The following CDH18 variants were observed in gnomAD, a reference collection of about 807,000 sequenced individuals.
CDH18 encodes the protein cadherin-18.
CDH18 carries 31 observed loss-of-function variants against 67.9 expected under a neutral mutation model. The observed-to-expected ratio is 0.46, with a 90% CI of 0.34 to 0.62. The LOEUF is 0.62. CDH18 is among the 20% of genes least tolerant of loss of function. The probability of loss-of-function intolerance (pLI) is 0.01; values close to 1 mark genes in which losing one functional copy is unlikely to be tolerated. For missense variants in CDH18, 890 were observed against 975.5 expected, an observed-to-expected ratio of 0.91 and a Z score of 1.17; for synonymous variants, 362 against 347.2, an observed-to-expected ratio of 1.04 and a Z score of -0.48.
At chr5:20,168,948 G>C (rs1464328241) in intron 2 of CDH18, among the ~76,000 whole-genome samples, 2 of 152,126 alleles carry the variant, frequency 1.3e-5, no homozygotes, top group Non-Finnish European at 2.9e-5. Context: ...CATGAACATA[G>C]ATAGCAGAAG....
At chr5:19,486,805 AATAAATAAATAAG>A (rs1454559809) in intron 11 of CDH18, among the ~76,000 whole-genome samples, 4 of 149,878 alleles carry the variant, frequency 2.7e-5, no homozygotes, top group Admixed American at 2.0e-4. Flanking sequence ...TAAATAAATA[AATAAATAAATAAG>A]ATATTATAGA....
rs752340474 is a variant in CDH18, at chr5:20,415,726, T to C, written c.-580+159736A>G. Among the ~76,000 whole-genome samples the C allele has an allele frequency of 1.5e-3, 221 of 152,084 alleles. 1 individual carries two copies. Among genetic ancestry groups the C allele is most frequent in the African/African-American group, 5.2e-3 (215 of 41,498 alleles). On this transcript the variant is annotated intron_variant, in intron 1 of 14. Transcript: ENST00000507958. ...AGGCGGAAGTTGCAGTGGCTGAGAT[T>C]GCGCCACTGCTCTCACTCCAGCCTG...
At chr5:20,371,049 A>G (rs1236197159) in intron 1 of CDH18, among the ~76,000 whole-genome samples, 1 of 152,010 alleles carries the variant, frequency 6.6e-6, no homozygotes, top group Non-Finnish European at 1.5e-5. Flanking sequence ...AAAAAAAAAG[A>G]CTGTGGCATC....
intron 1 of CDH18, among the ~76,000 whole-genome samples, chr5:20,405,037 T>G (rs1746108190): frequency 6.6e-6 from 1 of 151,976 alleles, no homozygotes; most frequent in African/African-American, 2.4e-5. Context: ...ATTAAGTTCA[T>G]CCCCATCAAG....
chr5:20,534,380 G>A (rs1004877123), intron 1 of CDH18, among the ~76,000 whole-genome samples: 5 of 151,908 alleles, frequency 3.3e-5, no homozygotes, highest in Non-Finnish European at 5.9e-5. Context: ...ACAAAAAGAA[G>A]CATTAAAAAT....
At chr5:19,694,712 T>A (rs1467998908) in intron 5 of CDH18, among the ~76,000 whole-genome samples, 5 of 152,016 alleles carry the variant, frequency 3.3e-5, no homozygotes, top group African/African-American at 1.2e-4. Flanking sequence ...TATTGTCTCC[T>A]GGAGTTTCCA....
chr5:19,817,818 T>C (rs1002561097), intron 3 of CDH18, among the ~76,000 whole-genome samples: 1 of 152,132 alleles, frequency 6.6e-6, no homozygotes, highest in Non-Finnish European at 1.5e-5. Context: ...GAATGGTCAA[T>C]ACTGAATATT....
intron 1 of CDH18, among the ~76,000 whole-genome samples, chr5:20,392,860 T>C (rs1325254688): frequency 6.6e-6 from 1 of 151,952 alleles, no homozygotes; most frequent in Non-Finnish European, 1.5e-5. Flanking sequence ...CAGGTTACAC[T>C]GATCTCACAT....
At chr5:19,968,910 T>C (rs2150328762) in intron 2 of CDH18, among the ~76,000 whole-genome samples, 1 of 141,154 alleles carries the variant, frequency 7.1e-6, no homozygotes, top group East Asian at 2.0e-4. Context: ...ACAGGCAAAC[T>C]ACAAAATGGG....
At chr5:19,972,149 T>A (rs750716126) in intron 2 of CDH18, among the ~76,000 whole-genome samples, 6 of 147,420 alleles carry the variant, frequency 4.1e-5, no homozygotes, top group Admixed American at 1.3e-4. Context: ...TTAAATATGA[T>A]GAACAAATTG....
At position 20,299,757 on chromosome 5, in the gene CDH18, CA is replaced by C. The variant is rs368044422; in HGVS notation, c.-579-44253del. 1.1e-3 allele frequency among the ~76,000 whole-genome samples: 115 copies of C among 107,456 alleles called. 2 individuals are homozygous for C. The highest frequency in any genetic ancestry group is 4.1e-3 in the African/African-American group (110 of 26,956). 70.5% of individuals were successfully genotyped at this position (107,456 alleles called of 152,430 possible). A position where few individuals can be genotyped will look rare whatever the true frequency, so the allele number is the denominator to read the frequency against. On this transcript the variant is annotated intron_variant, in intron 1 of 14. Transcript: ENST00000507958. ...TGGGTGACAGAGCAAGGCTCTGTCT[CA>C]AAAAAAAAAAAAAAAAAGAATATTC...
intron 1 of CDH18, among the ~76,000 whole-genome samples, chr5:20,495,464 T>G (rs868761111): frequency 6.6e-6 from 1 of 152,142 alleles, no homozygotes; most frequent in South Asian, 2.1e-4. Context: ...ATGATAATGC[T>G]ATAGTAATGA....
chr5:19,899,293 G>C (rs1260404954), intron 2 of CDH18, among the ~76,000 whole-genome samples: 1 of 151,650 alleles, frequency 6.6e-6, no homozygotes, highest in Admixed American at 6.6e-5. Context: ...CCAGCTACTC[G>C]GGAGGCTGAG....
intron 1 of CDH18, among the ~76,000 whole-genome samples, chr5:20,563,347 T>A (rs1404299968): frequency 6.6e-6 from 1 of 152,084 alleles, no homozygotes; most frequent in East Asian, 1.9e-4. Flanking sequence ...AATTGTTTCT[T>A]GTGTGATCAG....
At chr5:20,022,387 G>T (rs1363641535) in intron 2 of CDH18, among the ~76,000 whole-genome samples, 1 of 152,148 alleles carries the variant, frequency 6.6e-6, no homozygotes, top group Non-Finnish European at 1.5e-5. Context: ...TTTTGTTTCT[G>T]CTTCAGTGTT....
chr5:20,124,822 A>C (rs1240943199), intron 2 of CDH18, among the ~76,000 whole-genome samples: 1 of 152,194 alleles, frequency 6.6e-6, no homozygotes, highest in African/African-American at 2.4e-5. Context: ...GCTGTTCTTA[A>C]AGCAGAAGAG....
rs140246917 is a variant in CDH18 at position 20,351,909 on chromosome 5, T to G, written c.-579-96404A>C. ...ACCAGCGAGTCCACTGGAGCAAACT[T>G]TCTTAAAGAAGCTAAACTGGCAGTG... is the stretch of plus-strand genomic sequence containing the variant. On this transcript the variant is annotated intron_variant, in intron 1 of 14. Coordinates refer to the CDH18 transcript ENST00000507958. Among the ~76,000 whole-genome samples, 1,138 of 152,272 alleles carry G rather than the reference T, an allele frequency of 7.5e-3. 16 individuals are homozygous for G. The highest frequency in any genetic ancestry group is 0.026 in the African/African-American group (1,092 of 41,546).
Position 19,477,639 on chromosome 5 carries a change from T to TAATAA in CDH18, c.1883-3928_1883-3924dup, listed in dbSNP as rs1297532882. 4.6e-5 allele frequency among the ~76,000 whole-genome samples: 7 copies of TAATAA among 152,180 alleles called. No individual in the cohort carries two copies. In the East Asian group the frequency reaches 1.4e-3, roughly 29 times the overall value. On this transcript the variant is annotated intron_variant, in intron 12 of 12. Transcript: ENST00000382275. The stretch of plus-strand genomic sequence containing the variant: ...TATATTTTAAAAGAATGAGTGCAGA[T>TAATAA]AATAATTATACATATAAATAGAGTC...
At chr5:20,094,581 CT>C (rs1745719652) in intron 2 of CDH18, among the ~76,000 whole-genome samples, 1 of 152,136 alleles carries the variant, frequency 6.6e-6, no homozygotes, top group Non-Finnish European at 1.5e-5. Context: ...GATATTGATT[CT>C]TTCTACCCAG....
Sources: allele counts gnomAD v4.1 joint callset (sites outside exome capture counted in the v4.1 genomes callset), GRCh38; gene constraint gnomAD v4.1.1; transcripts MANE v1.5; gene names NCBI Gene and HGNC (gene_info 2026-07-23, HGNC 2026-07-21).